The following DNAI7 variants were observed in gnomAD, a reference collection of about 807,000 sequenced individuals.
DNAI7 encodes dynein axonemal intermediate chain 7, also known as cancer susceptibility 1.
Under a neutral mutation model 86.6 loss-of-function variants are expected in DNAI7, and 78 were observed. The observed-to-expected ratio is 0.90, with a 90% CI of 0.75 to 1.09. The LOEUF (loss-of-function observed/expected upper bound fraction) is 1.09, where lower values mean the gene tolerates loss of function less well. Among genes scored for constraint, DNAI7 ranks in the 50% least tolerant of loss-of-function variants. The pLI is 0.00. For missense variants in DNAI7, 753 were observed against 810.2 expected, an observed-to-expected ratio of 0.93 and a Z score of 0.86; for synonymous variants, 274 against 273.0, an observed-to-expected ratio of 1.00 and a Z score of -0.04.
At chr12:25,186,252 A>G (rs2141340891) in intron 2 of DNAI7, among the ~76,000 whole-genome samples, 1 of 152,298 alleles carries the variant, frequency 6.6e-6, no homozygotes, top group Admixed American at 6.5e-5. Context: ...TGCAATGAAC[A>G]ATATTAATTT....
intron 2 of DNAI7, among the ~76,000 whole-genome samples, chr12:25,175,066 T>C (rs1304461945): frequency 2.0e-5 from 3 of 151,716 alleles, no homozygotes; most frequent in African/African-American, 7.3e-5. Context: ...ACTAAAGAAC[T>C]TACTCAGGTA....
intron 2 of DNAI7, among the ~76,000 whole-genome samples, chr12:25,166,681 G>A (rs1947513494): frequency 6.6e-6 from 1 of 151,982 alleles, no homozygotes; most frequent in Admixed American, 6.5e-5. Flanking sequence ...TCCTTCCTAG[G>A]CATGGTTAGT....
At chr12:25,177,862 C>T (rs934918043) in intron 2 of DNAI7, among the ~76,000 whole-genome samples, 8 of 152,174 alleles carry the variant, frequency 5.3e-5, no homozygotes, top group Non-Finnish European at 1.2e-4. Flanking sequence ...ACATCTTTAT[C>T]AGACTAAGAA....
chr12:25,166,497 G>C (rs1947479870), intron 2 of DNAI7, among the ~76,000 whole-genome samples: 1 of 152,066 alleles, frequency 6.6e-6, no homozygotes, highest in Non-Finnish European at 1.5e-5. Context: ...AATTACCTGG[G>C]CTATACTGCC....
intron 10 of DNAI7, among the ~76,000 whole-genome samples, chr12:25,122,578 A>G (rs1941487088): frequency 6.6e-6 from 1 of 152,212 alleles, no homozygotes; most frequent in Non-Finnish European, 1.5e-5. Context: ...GGAAAGAAGC[A>G]TAAAGTTAAC....
intron 8 of DNAI7, 76 bp from the exon 9 acceptor site, chr12:25,144,753 C>G: frequency 2.8e-6 from 3 of 1,080,006 alleles, no homozygotes; most frequent in South Asian, 1.6e-5. Context: ...TATACCTAAG[C>G]AGTATTTCTC....
At chr12:25,137,955 A>G (rs186310598) in intron 9 of DNAI7, among the ~76,000 whole-genome samples, 3 of 152,236 alleles carry the variant, frequency 2.0e-5, no homozygotes, top group Admixed American at 6.5e-5. Flanking sequence ...TGGGACTCCA[A>G]TACTTCAACA....
intron 2 of DNAI7, among the ~76,000 whole-genome samples, chr12:25,178,514 A>G (rs1949186071): frequency 6.6e-6 from 1 of 152,142 alleles, no homozygotes; most frequent in Admixed American, 6.6e-5. Flanking sequence ...TTTCAAAGAA[A>G]TCTACTGTGA....
Position 25,144,575 on chromosome 12 carries a change from A to AT in DNAI7, c.791dup (p.Asp264GlufsTer22). 6.2e-7 allele frequency: 1 copy of AT among 1,614,110 alleles called. No homozygotes were observed. Among genetic ancestry groups the AT allele is most frequent in the East Asian group, 2.2e-5 (1 of 44,876 alleles). On this transcript the variant is annotated frameshift_variant, in exon 9 of 16. Coordinates refer to ENST00000395987, the MANE Select transcript of DNAI7 (RefSeq NM_018272.5). LOFTEE classifies it high-confidence loss of function. The stretch of plus-strand genomic sequence containing the variant: ...AAACAGGGTGCAGTGCAGAAACATG[A>AT]TCATAGTGGGTATGCAGGAGTCGTA...
intron 9 of DNAI7, among the ~76,000 whole-genome samples, chr12:25,142,506 C>A (rs571605310): frequency 3.1e-4 from 45 of 144,862 alleles, no homozygotes; most frequent in African/African-American, 8.5e-4. Flanking sequence ...AAAAAAAAAA[C>A]AAAACTACTG....
intron 8 of DNAI7, 72 bp from the exon 9 acceptor site, chr12:25,144,749 T>A: frequency 9.0e-7 from 1 of 1,116,254 alleles, no homozygotes; most frequent in Non-Finnish European, 1.3e-6. Context: ...AATTTATACC[T>A]AAGCAGTATT....
intron 2 of DNAI7, among the ~76,000 whole-genome samples, chr12:25,183,457 T>C (rs1949752409): frequency 6.6e-6 from 1 of 152,078 alleles, no homozygotes; most frequent in African/African-American, 2.4e-5. Context: ...AAAATGTCCC[T>C]CTTTATTTCT....
chr12:25,110,262 G>GCCTCCCAAC (rs1242920923), intron 14 of DNAI7, 22 bp from the exon 15 acceptor site: 6 of 1,365,948 alleles, frequency 4.4e-6, no homozygotes, highest in Non-Finnish European at 6.3e-6. Context: ...AAAACAAATA[G>GCCTCCCAAC]AATTGATCTT....
intron 9 of DNAI7, among the ~76,000 whole-genome samples, chr12:25,129,624 C>T (rs1942606562): frequency 1.3e-5 from 2 of 152,140 alleles, no homozygotes; most frequent in Non-Finnish European, 2.9e-5. Flanking sequence ...CCATACTTTT[C>T]CCTCTGACCA....
intron 2 of DNAI7, among the ~76,000 whole-genome samples, chr12:25,183,706 G>T (rs1372236467): frequency 6.6e-6 from 1 of 151,874 alleles, no homozygotes; most frequent in African/African-American, 2.4e-5. Context: ...CATATTGCTG[G>T]AATCTTTATT....
intron 9 of DNAI7, among the ~76,000 whole-genome samples, chr12:25,129,330 A>G (rs1198876331): frequency 6.6e-6 from 1 of 152,186 alleles, no homozygotes; most frequent in African/African-American, 2.4e-5. Context: ...TTATGAGAGA[A>G]GGAGCCTTAT....
chr12:25,188,597 C>A (rs1402654256), intron 2 of DNAI7, among the ~76,000 whole-genome samples: 2 of 150,944 alleles, frequency 1.3e-5, no homozygotes, highest in Non-Finnish European at 2.9e-5. Context: ...TTACTTGAAC[C>A]CGGGAGGCGA....
chr12:25,167,485 G>A (rs1947619537), intron 2 of DNAI7, among the ~76,000 whole-genome samples: 1 of 151,918 alleles, frequency 6.6e-6, no homozygotes, highest in Admixed American at 6.6e-5. Context: ...CCATTCTTAT[G>A]CCACCCTCTA....
Position 25,149,724 on chromosome 12 carries a change from C to T in DNAI7, c.489G>A (p.Leu163=), listed in dbSNP as rs758515174. ...FILLETPPCD[L]QDKNIIQYQE... ...GGTACTGTATTATATTTTTATCTTGCAAATCACATGGTGGAGTTTCCAGTA... is the reference window on the plus strand; with the variant it reads ...GGTACTGTATTATATTTTTATCTTGTAAATCACATGGTGGAGTTTCCAGTA... The change falls in exon 7 of 16, where the codon TTG becomes TTA. Residue 163 remains leucine, a synonymous_variant. Coordinates refer to ENST00000395987, the MANE Select transcript of DNAI7 (RefSeq NM_018272.5). 6.4e-7 allele frequency: 1 copy of T among 1,562,686 alleles called. No homozygotes were observed. The highest frequency in any genetic ancestry group is 1.1e-5 in the South Asian group (1 of 88,924).
Sources: gnomAD v4.1 joint callset for allele counts (sites outside exome capture counted in the v4.1 genomes callset) on GRCh38, gnomAD v4.1.1 for gene constraint, MANE v1.5 for transcripts, NCBI Gene and HGNC (gene_info 2026-07-23, HGNC 2026-07-21) for gene names.